Variants in ASB4 observed in about 807,000 individuals in gnomAD.
The protein encoded by ASB4 is ankyrin repeat and SOCS box containing 4.
In ASB4, 35 loss-of-function variants were observed where a neutral mutation model predicts 38.6. The ratio of observed to expected loss-of-function variants is 0.91; its 90% CI spans 0.69 to 1.20. The LOEUF (loss-of-function observed/expected upper bound fraction) is 1.20. ASB4 is among the 50% of genes most tolerant of loss of function. ASB4 has a pLI of 0.00. For synonymous variants in ASB4, 195 were observed against 201.3 expected (o/e 0.97, Z 0.26); for missense variants, 557 against 527.2 (o/e 1.06, Z -0.55).
Position 95,537,845 on chromosome 7 carries a change from G to T in ASB4, c.*86G>T. On this transcript the variant is annotated 3_prime_UTR_variant, in exon 5 of 5. Coordinates refer to ENST00000325885, the MANE Select transcript of ASB4 (RefSeq NM_016116.3). ...GTTTGCCTAAATAAAATGGTACTTG[G>T]GTTGATTATAACACTTCAGGGATTT... 1 of 1,175,322 alleles carries T rather than the reference G, an allele frequency of 8.5e-7. No individual in the cohort carries two copies. Among genetic ancestry groups the T allele is most frequent in the Non-Finnish European group, 1.2e-6 (1 of 823,240 alleles). 72.8% of individuals were successfully genotyped at this position (1,175,322 alleles called of 1,614,324 possible). A position where few individuals can be genotyped will look rare whatever the true frequency, so the allele number is the denominator to read the frequency against.
chr7:95,484,142 A>C (rs548767589), upstream of ASB4, among the ~76,000 whole-genome samples: 2 of 151,748 alleles, frequency 1.3e-5, no homozygotes, highest in East Asian at 3.9e-4. Context: ...AGCCGGGGGA[A>C]CATGGCAAAA....
chr7:95,540,464 A>G (rs1790956603), downstream of ASB4, among the ~76,000 whole-genome samples: 1 of 152,212 alleles, frequency 6.6e-6, no homozygotes, highest in African/African-American at 2.4e-5. Flanking sequence ...AGTGTGTTTT[A>G]ATAGTAGTAA....
intron 2 of ASB4, among the ~76,000 whole-genome samples, chr7:95,498,337 A>T (rs1441555678): frequency 6.6e-6 from 1 of 152,198 alleles, no homozygotes; most frequent in Non-Finnish European, 1.5e-5. Context: ...ATATTGGCTA[A>T]CATTCTAAAT....
intron 2 of ASB4, among the ~76,000 whole-genome samples, chr7:95,521,758 C>A (rs1790665295): frequency 6.7e-6 from 1 of 149,422 alleles, no homozygotes; most frequent in Non-Finnish European, 1.5e-5. Context: ...AAGTGAGATA[C>A]AATGTACGTA....
chr7:95,515,181 CTTT>C (rs1790543033), intron 2 of ASB4, among the ~76,000 whole-genome samples: 1 of 110,866 alleles, frequency 9.0e-6, no homozygotes, highest in East Asian at 2.3e-4. Context: ...TTCTTTCTTT[CTTT>C]CTTTCTTTCT....
At chr7:95,536,587 C>T (rs1790893331) in intron 4 of ASB4, 37 bp downstream of exon 4, 34 of 1,458,452 alleles carry the variant, frequency 2.3e-5, no homozygotes, top group Non-Finnish European at 2.8e-5. Flanking sequence ...TTTTCACTAT[C>T]AAGTACTTCC....
chr7:95,512,137 A>G (rs750273721), intron 2 of ASB4, among the ~76,000 whole-genome samples: 1 of 152,182 alleles, frequency 6.6e-6, no homozygotes, highest in Non-Finnish European at 1.5e-5. Flanking sequence ...CTATTAGACC[A>G]GGGGTGGTGT....
At chr7:95,506,814 T>C (rs968223855) in intron 2 of ASB4, among the ~76,000 whole-genome samples, 25 of 151,856 alleles carry the variant, frequency 1.6e-4, no homozygotes, top group Admixed American at 1.6e-3. Context: ...TTCTGAAAAA[T>C]GTTCCTGAAT....
intron 2 of ASB4, among the ~76,000 whole-genome samples, chr7:95,503,127 A>G (rs1790363952): frequency 6.6e-6 from 1 of 152,208 alleles, no homozygotes; most frequent in Admixed American, 6.5e-5. Flanking sequence ...TATTATAGCT[A>G]ATGTTTAACT....
chr7:95,521,128 G>C (rs1790656558), intron 2 of ASB4, among the ~76,000 whole-genome samples: 1 of 152,118 alleles, frequency 6.6e-6, no homozygotes, highest in Middle Eastern at 3.4e-3. Context: ...CATTTATTGA[G>C]TCTTTTGCCT....
intron 3 of ASB4, among the ~76,000 whole-genome samples, chr7:95,529,655 A>G (rs1790792098): frequency 6.6e-6 from 1 of 152,240 alleles, no homozygotes; most frequent in Non-Finnish European, 1.5e-5. Flanking sequence ...AATTATATGT[A>G]AAGCCCAGAA....
At chr7:95,527,465 T>C (rs1012552417) in intron 2 of ASB4, among the ~76,000 whole-genome samples, 6 of 152,232 alleles carry the variant, frequency 3.9e-5, no homozygotes, top group Non-Finnish European at 8.8e-5. Context: ...CAAATATCAT[T>C]GTTATGTTGA....
chr7:95,470,738 C>T, the ASB4 span, among the ~76,000 whole-genome samples: 1 of 152,122 alleles, frequency 6.6e-6, no homozygotes, highest in Admixed American at 6.5e-5. Context: ...GCTGATAATG[C>T]TCTGGCTGGT....
chr7:95,488,774 C>G lies in ASB4; in HGVS notation c.187+2616C>G, dbSNP rs187649727. 3.0e-3 allele frequency among the ~76,000 whole-genome samples: 450 copies of G among 152,284 alleles called. 8 individuals carry two copies. Among genetic ancestry groups the G allele is most frequent in the Admixed American group, 0.027 (415 of 15,294 alleles). On this transcript the variant is annotated intron_variant, in intron 1 of 4. Transcript: ENST00000325885. ...ATAAGTGTGCAGCTTGATTACTTTTCACAAAATAACAAACCTATGTAACCA... is the reference window on the plus strand; with the variant it reads ...ATAAGTGTGCAGCTTGATTACTTTTGACAAAATAACAAACCTATGTAACCA...
chr7:95,502,539 T>A (rs1790356266), intron 2 of ASB4, among the ~76,000 whole-genome samples: 1 of 152,114 alleles, frequency 6.6e-6, no homozygotes, highest in Non-Finnish European at 1.5e-5. Context: ...ATTCAGACTT[T>A]AGATGTTATC....
chr7:95,515,434 T>TA (rs1790570689), intron 2 of ASB4, among the ~76,000 whole-genome samples: 1 of 149,988 alleles, frequency 6.7e-6, no homozygotes, highest in Admixed American at 6.7e-5. Context: ...CTTTTTTTTT[T>TA]AAGACAGAGT....
intron 2 of ASB4, among the ~76,000 whole-genome samples, chr7:95,507,475 G>T (rs1309101071): frequency 1.3e-5 from 2 of 151,826 alleles, no homozygotes; most frequent in Non-Finnish European, 2.9e-5. Flanking sequence ...AATCAATTAG[G>T]TCCCAATGCT....
rs569053839 is a variant in ASB4, at chr7:95,518,600, C to T, written c.488-9213C>T. Among the ~76,000 whole-genome samples the T allele has an allele frequency of 8.8e-4, 134 of 152,264 alleles. 2 individuals are homozygous for T. Among genetic ancestry groups the T allele is most frequent in the African/African-American group, 2.8e-3 (118 of 41,548 alleles). ...GGAAAAAAATTAGACTATATTGGCA[C>T]TCAAGAAAGAGTTGAATGACCTAGA... On this transcript the variant is annotated intron_variant, in intron 2 of 4. Coordinates refer to ENST00000325885, the MANE Select transcript of ASB4 (RefSeq NM_016116.3).
chr7:95,515,159 TTCTCTTTC>T (rs1224118043), intron 2 of ASB4, among the ~76,000 whole-genome samples: 4 of 95,926 alleles, frequency 4.2e-5, no homozygotes, highest in African/African-American at 1.4e-4. Flanking sequence ...CTTTCTTTCT[TTCTCTTTC>T]TCTTTCTTTC....
Sources: allele counts gnomAD v4.1 joint callset (sites outside exome capture counted in the v4.1 genomes callset), GRCh38; gene constraint gnomAD v4.1.1; transcripts MANE v1.5; gene names NCBI Gene and HGNC (gene_info 2026-07-23, HGNC 2026-07-21).